The following HSF2 variants were observed in gnomAD, a reference collection of about 807,000 sequenced individuals.
The protein encoded by HSF2 is heat shock transcription factor 2, also known as heat shock factor protein 2.
A neutral mutation model predicts 65.0 loss-of-function variants in HSF2; 21 were observed. The ratio of observed to expected loss-of-function variants is 0.32; its 90% CI spans 0.23 to 0.47. The LOEUF (loss-of-function observed/expected upper bound fraction) is 0.47, where lower values mean the gene tolerates loss of function less well. HSF2 is among the 20% of genes least tolerant of loss of function. The pLI is 1.00. For synonymous variants in HSF2, 225 were observed against 219.1 expected (o/e 1.03, Z -0.24); for missense variants, 499 against 628.1 (o/e 0.79, Z 2.20).
chr6:122,410,011 A>G (rs1311538876), intron 1 of HSF2, among the ~76,000 whole-genome samples: 1 of 151,976 alleles, frequency 6.6e-6, no homozygotes, highest in East Asian at 1.9e-4. Flanking sequence ...TAGTCAGTCC[A>G]TTCATCTATG....
intron 1 of HSF2, among the ~76,000 whole-genome samples, chr6:122,410,851 T>C (rs530596915): frequency 2.6e-5 from 4 of 151,952 alleles, no homozygotes; most frequent in African/African-American, 9.6e-5. Flanking sequence ...CTTTTGCCTG[T>C]TGTGAAAAAT....
Position 122,399,691 on chromosome 6 carries a change from C to A in HSF2, c.-47C>A. 1 of 1,536,010 alleles carries A rather than the reference C, an allele frequency of 6.5e-7. No individual in the cohort carries two copies. Among genetic ancestry groups the A allele is most frequent in the Non-Finnish European group, 8.9e-7 (1 of 1,117,444 alleles). ...GCTGCCGTAGCTGCCGCCGCCGCTA[C>A]CACCGCGTTCGGGTGTAGAATTTGG... On this transcript the variant is annotated 5_prime_UTR_variant, in exon 1 of 13. Coordinates refer to ENST00000368455, the MANE Select transcript of HSF2 (RefSeq NM_004506.4).
At chr6:122,413,373 G>C in intron 3 of HSF2, 152 bp from the exon 4 acceptor site, 1 of 600,882 alleles carries the variant, frequency 1.7e-6, no homozygotes, top group East Asian at 3.0e-5. Flanking sequence ...GAGCTCTGAA[G>C]TTTATTCTTT....
chr6:122,411,220 C>G (rs1251967320), intron 1 of HSF2, among the ~76,000 whole-genome samples: 1 of 151,622 alleles, frequency 6.6e-6, no homozygotes, highest in East Asian at 1.9e-4. Context: ...TACTGACCAT[C>G]TTTTTATTTG....
At chr6:122,421,413 T>G (rs1313307701) in intron 7 of HSF2, among the ~76,000 whole-genome samples, 2 of 152,128 alleles carry the variant, frequency 1.3e-5, no homozygotes, top group Non-Finnish European at 2.9e-5. Flanking sequence ...AGCATACCTA[T>G]TTTGTTTTTA....
At chr6:122,416,422 A>G (rs961072009) in intron 5 of HSF2, 126 bp downstream of exon 5, 4 of 521,126 alleles carry the variant, frequency 7.7e-6, no homozygotes, top group Non-Finnish European at 1.4e-5. Context: ...ATGCACAGAT[A>G]GAAGTAAAAA....
intron 1 of HSF2, among the ~76,000 whole-genome samples, chr6:122,405,040 G>T (rs1021254241): frequency 1.9e-4 from 29 of 152,056 alleles, no homozygotes; most frequent in African/African-American, 7.0e-4. Flanking sequence ...ACCTAATATT[G>T]TGCTAGGTAT....
chr6:122,422,440 AT>A, intron 8 of HSF2, 142 bp downstream of exon 8: 1 of 763,044 alleles, frequency 1.3e-6, no homozygotes, highest in Non-Finnish European at 2.2e-6. Context: ...AAGCTAAATT[AT>A]TCAACCAGAT....
At chr6:122,400,011 G>A (rs983473865) in intron 1 of HSF2, among the ~76,000 whole-genome samples, 181 bp downstream of exon 1, 13 of 152,078 alleles carry the variant, frequency 8.5e-5, no homozygotes, top group Non-Finnish European at 1.9e-4. Flanking sequence ...AGCCGCGGGG[G>A]CCCGGCCGGC....
intron 7 of HSF2, among the ~76,000 whole-genome samples, chr6:122,420,652 A>ATTT (rs1774211424): frequency 1.5e-5 from 1 of 66,834 alleles, no homozygotes; most frequent in African/African-American, 5.5e-5. Flanking sequence ...TTTTAACTTG[A>ATTT]TGTTGCTTTT....
intron 5 of HSF2, among the ~76,000 whole-genome samples, chr6:122,418,492 T>C (rs1312237579): frequency 6.6e-6 from 1 of 152,222 alleles, no homozygotes; most frequent in Non-Finnish European, 1.5e-5. Context: ...TTTGTGTGTC[T>C]TCACAATTTT....
chr6:122,431,576 C>G, intron 12 of HSF2, 62 bp downstream of exon 12: 1 of 903,498 alleles, frequency 1.1e-6, no homozygotes, highest in South Asian at 1.6e-5. Context: ...GAAACAAGTG[C>G]AAGCCGAGGG....
chr6:122,419,301 G>GC (rs1469679497), intron 6 of HSF2, 72 bp downstream of exon 6: 3 of 672,392 alleles, frequency 4.5e-6, no homozygotes, highest in Non-Finnish European at 7.8e-6. Flanking sequence ...ACCATGAGTA[G>GC]CCTACACTTG....
chr6:122,414,567 G>GA (rs1437632525), intron 4 of HSF2, among the ~76,000 whole-genome samples: 3 of 152,108 alleles, frequency 2.0e-5, no homozygotes, highest in Non-Finnish European at 2.9e-5. Flanking sequence ...AGCCTTTAAA[G>GA]AAAGTGATCC....
At chr6:122,411,075 A>G (rs1336884546) in intron 1 of HSF2, among the ~76,000 whole-genome samples, 4 of 151,402 alleles carry the variant, frequency 2.6e-5, no homozygotes, top group African/African-American at 9.7e-5. Flanking sequence ...ATTCCCACCA[A>G]TAATGCACCA....
chr6:122,428,348 A>G (rs1018697506), intron 11 of HSF2, among the ~76,000 whole-genome samples: 5 of 151,972 alleles, frequency 3.3e-5, no homozygotes, highest in East Asian at 1.9e-4. Context: ...TGTGAGTTCT[A>G]TCATTAGCAT....
intron 10 of HSF2, 86 bp downstream of exon 10, chr6:122,423,772 T>C: frequency 1.6e-6 from 1 of 634,164 alleles, no homozygotes; most frequent in South Asian, 3.1e-5. Flanking sequence ...TTTTGTTTTG[T>C]ATTCTACAGG....
At chr6:122,419,276 A>C (rs772123784) in intron 6 of HSF2, 47 bp downstream of exon 6, 1 of 904,112 alleles carries the variant, frequency 1.1e-6, no homozygotes, top group Admixed American at 2.3e-5. Flanking sequence ...AGGCAGTCAC[A>C]CTTTTTAGTG....
intron 7 of HSF2, among the ~76,000 whole-genome samples, chr6:122,420,700 C>CTTTCTTTTT (rs1774213358): frequency 1.0e-4 from 3 of 28,572 alleles, no homozygotes; most frequent in African/African-American, 4.2e-4. Context: ...TTATTCATTT[C>CTTTCTTTTT]TTTTTTTTTT....
Sources: allele counts gnomAD v4.1 joint callset (sites outside exome capture counted in the v4.1 genomes callset), GRCh38; gene constraint gnomAD v4.1.1; transcripts MANE v1.5; gene names NCBI Gene and HGNC (gene_info 2026-07-23, HGNC 2026-07-21).